Variants in ANKFY1 observed in about 807,000 individuals in gnomAD.
ANKFY1 encodes ankyrin repeat and FYVE domain-containing protein 1.
In ANKFY1, 47 loss-of-function variants were observed where a neutral mutation model predicts 128.3. That is an observed-to-expected ratio of 0.37 (90% CI 0.29 to 0.47). The LOEUF (loss-of-function observed/expected upper bound fraction) is 0.47, where lower values mean the gene tolerates loss of function less well. Among genes scored for constraint, ANKFY1 ranks in the 20% least tolerant of loss-of-function variants. The pLI is 1.00. For synonymous variants in ANKFY1, 553 were observed against 601.6 expected, an observed-to-expected ratio of 0.92 and a Z score of 1.18; for missense variants, 1,222 against 1,510.6, an observed-to-expected ratio of 0.81 and a Z score of 3.17.
At chr17:4,197,041 C>A (rs1429601973) in intron 8 of ANKFY1, among the ~76,000 whole-genome samples, 1 of 152,186 alleles carries the variant, frequency 6.6e-6, no homozygotes, top group Admixed American at 6.5e-5. Flanking sequence ...ATCACCTGTG[C>A]TCAGGAGGTA....
At chr17:4,241,319 G>A (rs1352875850) in intron 2 of ANKFY1, among the ~76,000 whole-genome samples, 2 of 133,410 alleles carry the variant, frequency 1.5e-5, no homozygotes, top group Admixed American at 8.9e-5. Flanking sequence ...TCGCTCTGTC[G>A]CCCAGGCTGG....
chr17:4,209,767 C>T (rs965867709), intron 5 of ANKFY1, 57 bp downstream of exon 5: 21 of 1,544,950 alleles, frequency 1.4e-5, no homozygotes, highest in African/African-American at 6.8e-5. Context: ...ACGTCCCCAG[C>T]GGCGGTCTCC....
intron 14 of ANKFY1, among the ~76,000 whole-genome samples, chr17:4,182,824 G>A (rs184916365): frequency 1.1e-3 from 174 of 152,278 alleles, no homozygotes; most frequent in Non-Finnish European, 1.1e-3. Flanking sequence ...CTGATTTTAG[G>A]GTGGGCCGCA....
intron 2 of ANKFY1, among the ~76,000 whole-genome samples, chr17:4,238,505 C>T: frequency 6.6e-6 from 1 of 151,098 alleles, no homozygotes. Context: ...ATGGAGTTCA[C>T]TCTTGTTGCC....
intron 1 of ANKFY1, among the ~76,000 whole-genome samples, chr17:4,251,561 G>C (rs148630103): frequency 4.4e-4 from 58 of 131,422 alleles, no homozygotes; most frequent in Admixed American, 1.1e-3. Flanking sequence ...AAAAACTACA[G>C]AACTTCCAGA....
At chr17:4,194,758 G>A in intron 10 of ANKFY1, 1 of 554,274 alleles carries the variant, frequency 1.8e-6, no homozygotes, top group East Asian at 3.1e-5. Flanking sequence ...TTAAATAAAT[G>A]GAAGTTTCAG....
At chr17:4,224,957 T>TC (rs1555634606) in intron 3 of ANKFY1, among the ~76,000 whole-genome samples, 1 of 149,872 alleles carries the variant, frequency 6.7e-6, no homozygotes, top group African/African-American at 2.4e-5. Context: ...TTTTTTTTTT[T>TC]AAATAAACTG....
rs542859001 is a variant in ANKFY1 at position 4,254,212 on chromosome 17, G to A, written c.10+9720C>T. On this transcript the variant is annotated intron_variant, in intron 1 of 24. Coordinates refer to ENST00000341657, the MANE Select transcript of ANKFY1 (RefSeq NM_001330063.2). ...CCAGCTACTCGGGAGGCTGAGGCAGGAGAATCGCCTGAACCTGGGAGGCGG... is the reference window on the plus strand; with the variant it reads ...CCAGCTACTCGGGAGGCTGAGGCAGAAGAATCGCCTGAACCTGGGAGGCGG... Among the ~76,000 whole-genome samples, 599 of 149,868 alleles carry A rather than the reference G, an allele frequency of 4.0e-3. 2 individuals are homozygous for A. Among genetic ancestry groups the A allele is most frequent in the Non-Finnish European group, 6.3e-3 (428 of 67,780 alleles).
rs2059368866 is a variant in ANKFY1 at position 4,173,950 on chromosome 17, T to C, written c.2882A>G (p.Asn961Ser). ...ATCCACGGCAGCAAAGTCCACGCCA[T>C]TCTCTAGGAGGACTGAGCAGATGGT... is the stretch of plus-strand genomic sequence containing the variant. ...LPTICSVLLE[N>S]GVDFAAVDEN... Residue 961 changes from asparagine (N) to serine (S), a missense_variant, in exon 20 of 25, where the codon AAT (asparagine) becomes AGT (serine). Asn to Ser is a conservative substitution (Grantham distance 46, BLOSUM62 1). Transcript: ENST00000341657. 6.2e-7 allele frequency: 1 copy of C among 1,613,952 alleles called. No individual in the cohort carries two copies. Among genetic ancestry groups the C allele is most frequent in the East Asian group, 2.2e-5 (1 of 44,900 alleles).
chr17:4,244,689 C>G (rs961479574), intron 1 of ANKFY1, among the ~76,000 whole-genome samples: 5 of 152,084 alleles, frequency 3.3e-5, no homozygotes, highest in Non-Finnish European at 5.9e-5. Flanking sequence ...CAATGATTCC[C>G]ATCTCCCCTT....
chr17:4,164,306 A>T lies in ANKFY1; in HGVS notation c.*3473T>A, dbSNP rs141700516. On this transcript the variant is annotated 3_prime_UTR_variant, in exon 25 of 25. Transcript: ENST00000341657. ...ACACAAAAAAGGAATAGTACAGGCA[A>T]TGATCTTCCAAAGAAAGTCTTTAAG... 6.5e-6 allele frequency: 1 copy of T among 152,716 alleles called. No individual in the cohort carries two copies. The highest frequency in any genetic ancestry group is 6.5e-5 in the Admixed American group (1 of 15,290). The allele number at this position is 152,716 out of a possible 1,614,324, so 9.5% of individuals were successfully genotyped here.
intron 22 of ANKFY1, 30 bp from the exon 23 acceptor site, chr17:4,170,891 T>C: frequency 3.1e-6 from 5 of 1,613,662 alleles, no homozygotes; most frequent in Non-Finnish European, 4.2e-6. Flanking sequence ...GCAGGGCTAC[T>C]TCCCACCCGG....
At chr17:4,236,684 T>C (rs1191868341) in intron 2 of ANKFY1, among the ~76,000 whole-genome samples, 1 of 152,126 alleles carries the variant, frequency 6.6e-6, no homozygotes, top group Non-Finnish European at 1.5e-5. Context: ...CCAAAGTCAC[T>C]GTCATCATCC....
At chr17:4,197,634 T>G in intron 7 of ANKFY1, 57 bp from the exon 8 acceptor site, 5 of 1,518,348 alleles carry the variant, frequency 3.3e-6, no homozygotes. Flanking sequence ...GGCCAGTGCT[T>G]CTTCAAGAGG....
chr17:4,219,408 T>C (rs1318144643), intron 3 of ANKFY1, among the ~76,000 whole-genome samples: 1 of 152,218 alleles, frequency 6.6e-6, no homozygotes, highest in Non-Finnish European at 1.5e-5. Flanking sequence ...ACCTGCTGAA[T>C]GAGAAACCAG....
At position 4,197,439 on chromosome 17, in the gene ANKFY1, A is replaced by G. The variant is rs1475572245; in HGVS notation, c.1037T>C (p.Met346Thr). ...CAGAAGGGCCTCTGCAATCTGCGCC[A>G]TCTCAGACATCACATCTGCTGAGTG... Reference protein sequence around the residue: ...KKHSADVMSEMAQIAEALLQA... With the variant: ...KKHSADVMSETAQIAEALLQA... Residue 346 changes from methionine (M) to threonine (T), a missense_variant, in exon 8 of 25, where the codon ATG becomes ACG. By Grantham distance (81) the Met-to-Thr change is moderately conservative (BLOSUM62 -1). Transcript: ENST00000341657. The G allele has an allele frequency of 6.2e-7, 1 of 1,614,222 alleles. No individual in the cohort carries two copies. Among genetic ancestry groups the G allele is most frequent in the Admixed American group, 1.7e-5 (1 of 60,030 alleles).
At chr17:4,259,097 G>A (rs1036648497) in intron 1 of ANKFY1, among the ~76,000 whole-genome samples, 2 of 152,120 alleles carry the variant, frequency 1.3e-5, no homozygotes, top group Non-Finnish European at 2.9e-5. Flanking sequence ...GTGGAAAAAG[G>A]CTCTTCCTGC....
rs574631612 is a variant in ANKFY1 at position 4,211,041 on chromosome 17, C to A, written c.459-1094G>T. On this transcript the variant is annotated intron_variant, in intron 4 of 24. Coordinates refer to ENST00000341657, the MANE Select transcript of ANKFY1 (RefSeq NM_001330063.2). ...AGTGAGACTCCATCAACAACAACAACAAAAAAAATAAAAAGAAAAAAAGAA... is the reference window on the plus strand; with the variant it reads ...AGTGAGACTCCATCAACAACAACAAAAAAAAAAATAAAAAGAAAAAAAGAA... Among the ~76,000 whole-genome samples, 318 of 149,520 alleles carry A rather than the reference C, an allele frequency of 2.1e-3. 1 individual carries two copies. Among genetic ancestry groups the A allele is most frequent in the Non-Finnish European group, 3.2e-3 (217 of 67,312 alleles).
At chr17:4,229,781 G>A (rs755538903) in intron 3 of ANKFY1, among the ~76,000 whole-genome samples, 5 of 152,288 alleles carry the variant, frequency 3.3e-5, no homozygotes, top group African/African-American at 4.8e-5. Flanking sequence ...TGACATGGCC[G>A]CTAACGTTCC....
Sources: gnomAD v4.1 joint callset for allele counts (sites outside exome capture counted in the v4.1 genomes callset) on GRCh38, gnomAD v4.1.1 for gene constraint, MANE v1.5 for transcripts, NCBI Gene and HGNC (gene_info 2026-07-23, HGNC 2026-07-21) for gene names.